The following ZNF337 variants were observed in gnomAD, a reference collection of about 807,000 sequenced individuals.
The protein encoded by ZNF337 is zinc finger protein 337.
A neutral mutation model predicts 12.1 loss-of-function variants in ZNF337; 8 were observed. The ratio of observed to expected loss-of-function variants is 0.66; its 90% confidence interval spans 0.39 to 1.19. The LOEUF (loss-of-function observed/expected upper bound fraction) is 1.19, where lower values mean the gene tolerates loss of function less well. ZNF337 is among the 50% of genes most tolerant of loss of function. The pLI is 0.01. For synonymous variants in ZNF337, 336 were observed against 320.0 expected, an observed-to-expected ratio of 1.05 and a Z score of -0.53; for missense variants, 882 against 896.6, an observed-to-expected ratio of 0.98 and a Z score of 0.21.
At chr20:25,683,216 C>T (rs558359005) in intron 4 of ZNF337, among the ~76,000 whole-genome samples, 85 of 141,850 alleles carry the variant, frequency 6.0e-4, no homozygotes, top group African/African-American at 2.3e-3. Context: ...AACAAGTCCA[C>T]CCTAGAGGTA....
intron 4 of ZNF337, among the ~76,000 whole-genome samples, chr20:25,679,109 C>T (rs1162543874): frequency 6.6e-6 from 1 of 152,020 alleles, no homozygotes; most frequent in African/African-American, 2.4e-5. Flanking sequence ...AAAGTGAATT[C>T]CAAAATGAGT....
intron 1 of ZNF337, among the ~76,000 whole-genome samples, chr20:25,692,208 C>G (rs1450773290): frequency 6.6e-6 from 1 of 152,100 alleles, no homozygotes; most frequent in Non-Finnish European, 1.5e-5. Flanking sequence ...TCTTAATGAA[C>G]CTGAGTGTGA....
intron 1 of ZNF337, 120 bp downstream of exon 1, chr20:25,696,639 G>C (rs932483609): frequency 1.5e-6 from 1 of 686,614 alleles, no homozygotes; most frequent in Non-Finnish European, 1.8e-6. Flanking sequence ...CGGAGACGCC[G>C]GGCCTGGAGG....
chr20:25,689,714 G>A (rs2065868691), intron 1 of ZNF337, among the ~76,000 whole-genome samples: 1 of 152,158 alleles, frequency 6.6e-6, no homozygotes, highest in Non-Finnish European at 1.5e-5. Flanking sequence ...ACATAAACAG[G>A]GGGAAGGGAT....
chr20:25,696,842 G>C lies in ZNF337; in HGVS notation c.-133C>G. ...ACGGCTCGCTGACGCCCAGGGATCT[G>C]GAACGCTCTGCGCCGCCCGGGACTA... On this transcript the variant is annotated 5_prime_UTR_variant, in exon 1 of 5. Coordinates refer to ENST00000252979, the MANE Select transcript of ZNF337 (RefSeq NM_015655.4). The C allele has an allele frequency of 1.0e-6, 1 of 984,992 alleles. No homozygotes were observed. The highest frequency in any genetic ancestry group is 1.2e-6 in the Non-Finnish European group (1 of 829,512). 61.0% of individuals were successfully genotyped at this position (984,992 alleles called of 1,614,324 possible).
intron 1 of ZNF337, among the ~76,000 whole-genome samples, chr20:25,688,115 A>G (rs1463151330): frequency 6.6e-6 from 1 of 152,242 alleles, no homozygotes; most frequent in Non-Finnish European, 1.5e-5. Context: ...TTTACCTTTC[A>G]TGTCCCATCT....
At chr20:25,683,588 C>G (rs1362327858) in intron 4 of ZNF337, among the ~76,000 whole-genome samples, 1 of 151,876 alleles carries the variant, frequency 6.6e-6, no homozygotes, top group Non-Finnish European at 1.5e-5. Context: ...ATTTATGCAG[C>G]CAACAAACTT....
rs1462380751 is a variant in ZNF337 at position 25,674,687 on chromosome 20, C to A, written c.*345G>T. 3 of 260,908 alleles carry A rather than the reference C, an allele frequency of 1.1e-5. No individual in the cohort carries two copies. The highest frequency in any genetic ancestry group is 2.2e-5 in the Non-Finnish European group (3 of 136,676). The allele number at this position is 260,908 out of a possible 1,614,324, so 16.2% of individuals were successfully genotyped here. A position where few individuals can be genotyped will look rare whatever the true frequency, so the allele number is the denominator to read the frequency against. ...GGTTGGGGAGAGTGTAACAGGCCTG[C>A]CTTGGTATCCCTGCTCTGCAGTCAC... On this transcript the variant is annotated 3_prime_UTR_variant, in exon 5 of 5. Coordinates refer to ENST00000252979, the MANE Select transcript of ZNF337 (RefSeq NM_015655.4).
At chr20:25,684,288 G>T (rs1268676183) in intron 4 of ZNF337, among the ~76,000 whole-genome samples, 1 of 151,322 alleles carries the variant, frequency 6.6e-6, no homozygotes, top group Non-Finnish European at 1.5e-5. Context: ...CACCAGCATG[G>T]CACATGTATA....
intron 4 of ZNF337, among the ~76,000 whole-genome samples, chr20:25,681,648 G>C (rs1322604807): frequency 6.6e-6 from 1 of 152,112 alleles, no homozygotes; most frequent in Non-Finnish European, 1.5e-5. Context: ...CGTGGGGGCA[G>C]GAAATGACTG....
rs1220541610 is a variant in ZNF337 at position 25,673,484 on chromosome 20, CACCCAG to C, written c.*1542_*1547del. Among the ~76,000 whole-genome samples, 51 of 152,312 alleles carry C rather than the reference CACCCAG, an allele frequency of 3.3e-4. No homozygotes were observed. The highest frequency in any genetic ancestry group is 1.2e-3 in the African/African-American group (50 of 41,572). ...TAAGGAAGGATGGGCCATCTCTACA[CACCCAG>C]ATGGTCTGTGGCTGGGAGCATGGCA... On this transcript the variant is annotated 3_prime_UTR_variant, in exon 5 of 5. Transcript: ENST00000252979.
At chr20:25,685,799 A>G (rs1772144309) in intron 3 of ZNF337, 137 bp from the exon 4 acceptor site, 1 of 1,138,558 alleles carries the variant, frequency 8.8e-7, no homozygotes, top group South Asian at 1.4e-5. Context: ...CCATGCTCAG[A>G]GTACAAACCC....
chr20:25,676,349 C>G lies in ZNF337; in HGVS notation c.939G>C (p.Ala313=). Residue 313 remains alanine, a synonymous_variant, in exon 5 of 5, where the codon GCG becomes GCC. Coordinates refer to ENST00000252979, the MANE Select transcript of ZNF337 (RefSeq NM_015655.4). ...DKSSYNKHLK[A]HSGEKPFVCK... ...ACACAAAAGGCTTCTCCCCTGAATG[C>G]GCCTTCAAGTGCTTGTTGTATGAGG... 6.2e-7 allele frequency: 1 copy of G among 1,612,488 alleles called. No homozygotes were observed. Among genetic ancestry groups the G allele is most frequent in the Non-Finnish European group, 8.5e-7 (1 of 1,179,566 alleles).
intron 1 of ZNF337, among the ~76,000 whole-genome samples, chr20:25,689,519 G>C (rs1488469362): frequency 6.6e-6 from 1 of 152,130 alleles, no homozygotes; most frequent in Non-Finnish European, 1.5e-5. Context: ...GAAATGTTCT[G>C]TATCTTGATT....
At position 25,676,380 on chromosome 20, in the gene ZNF337, T is replaced by C. The variant is rs1169715009; in HGVS notation, c.908A>G (p.Asp303Gly). The change falls in exon 5 of 5, where the codon GAT (aspartate) becomes GGT (glycine). Residue 303 changes from aspartate (D) to glycine (G), a missense_variant. By Grantham distance (94) the Asp-to-Gly change is moderately conservative. Transcript: ENST00000252979. ...CAAGTGCTTGTTGTATGAGGACTTA[T>C]CGTTAAACCTTCGCCCACACTCCTG... ...ECQECGRRFN[D>G]KSSYNKHLKA... 2.5e-6 allele frequency: 4 copies of C among 1,614,162 alleles called. No homozygotes were observed. The highest frequency in any genetic ancestry group is 1.6e-4 in the Middle Eastern group (1 of 6,062).
chr20:25,689,317 AGTT>A (rs1271393905), intron 1 of ZNF337, among the ~76,000 whole-genome samples: 2 of 151,906 alleles, frequency 1.3e-5, no homozygotes, highest in Non-Finnish European at 2.9e-5. Context: ...AAAAAAAAAA[AGTT>A]AAATATCTCC....
At chr20:25,689,842 T>C (rs2065869936) in intron 1 of ZNF337, among the ~76,000 whole-genome samples, 1 of 152,186 alleles carries the variant, frequency 6.6e-6, no homozygotes, top group Non-Finnish European at 1.5e-5. Flanking sequence ...ATAACACTAG[T>C]TTACAGAAAA....
Position 25,686,412 on chromosome 20 carries a change from T to G in ZNF337, c.6A>C (p.Gly2=). The change falls in exon 2 of 5, where the codon GGA becomes GGC. Residue 2 remains glycine (G), a synonymous_variant. Coordinates refer to ENST00000252979, the MANE Select transcript of ZNF337 (RefSeq NM_015655.4). Reference sequence around the variant, plus strand: ...TCACCTGTCTCCTGGCTCCCTGAGGTCCCATGACTGTCTTCCTGCTCTCCA... The same window carrying G: ...TCACCTGTCTCCTGGCTCCCTGAGGGCCCATGACTGTCTTCCTGCTCTCCA... M[G]PQGARRQAFL... The G allele has an allele frequency of 6.2e-7, 1 of 1,613,982 alleles. No individual in the cohort carries two copies. The highest frequency in any genetic ancestry group is 8.5e-7 in the Non-Finnish European group (1 of 1,179,952).
In ZNF337 at chr20:25,675,867, G is replaced by A. The variant is rs749452577; in HGVS notation, c.1421C>T (p.Thr474Ile). The part of the protein sequence containing the change: ...DCGRGFIQKS[T>I]FTLHQRTHSE... ...GTGTGTCCTCTGGTGTAAAGTGAAG[G>A]TTGACTTTTGGATAAAGCCTCGTCC... The change falls in exon 5 of 5, where the codon ACC (threonine) becomes ATC (isoleucine). Residue 474 changes from threonine to isoleucine, a missense_variant. By Grantham distance (89) the Thr-to-Ile change is moderately conservative. Transcript: ENST00000252979. 3 of 1,613,246 alleles carry A rather than the reference G, an allele frequency of 1.9e-6. No homozygotes were observed. Among genetic ancestry groups the A allele is most frequent in the Non-Finnish European group, 2.5e-6 (3 of 1,179,802 alleles).
Sources: allele counts gnomAD v4.1 joint callset (sites outside exome capture counted in the v4.1 genomes callset), GRCh38; gene constraint gnomAD v4.1.1; transcripts MANE v1.5; gene names NCBI Gene and HGNC (gene_info 2026-07-23, HGNC 2026-07-21).